The following VTI1A variants were observed in gnomAD, a reference collection of about 807,000 sequenced individuals.
The protein encoded by VTI1A is vesicle transport through interaction with t-SNAREs homolog 1A.
Under a neutral mutation model 34.9 loss-of-function variants are expected in VTI1A, and 22 were observed. The ratio of observed to expected loss-of-function variants is 0.63; its 90% confidence interval spans 0.45 to 0.90. The LOEUF (loss-of-function observed/expected upper bound fraction) is 0.90, where lower values mean the gene tolerates loss of function less well. Ranked by LOEUF, VTI1A falls within the 40% of genes least tolerant of loss-of-function variation. The pLI is 0.00. For missense variants in VTI1A, 268 were observed against 275.6 expected (o/e 0.97, Z 0.20); for synonymous variants, 87 against 97.3 (o/e 0.89, Z 0.62).
At chr10:112,514,595 G>C (rs1849713549) in intron 3 of VTI1A, among the ~76,000 whole-genome samples, 2 of 151,542 alleles carry the variant, frequency 1.3e-5, no homozygotes, top group South Asian at 4.2e-4. Context: ...ACAGTAGATG[G>C]TTTATCTGTT....
chr10:112,678,416 T>C (rs1282810660), intron 7 of VTI1A, among the ~76,000 whole-genome samples: 1 of 152,186 alleles, frequency 6.6e-6, no homozygotes, highest in Non-Finnish European at 1.5e-5. Context: ...TATTAACATA[T>C]ACCATCACCA....
intron 7 of VTI1A, among the ~76,000 whole-genome samples, chr10:112,795,961 C>A (rs754171861): frequency 2.6e-5 from 4 of 152,150 alleles, no homozygotes; most frequent in Non-Finnish European, 5.9e-5. Flanking sequence ...CTTTTTCTTT[C>A]TGTGCAAAGA....
intron 7 of VTI1A, among the ~76,000 whole-genome samples, chr10:112,781,293 C>A (rs1208471771): frequency 6.6e-6 from 1 of 152,124 alleles, no homozygotes; most frequent in African/African-American, 2.4e-5. Flanking sequence ...CCTCTCTGGG[C>A]CTCTAGAAAA....
intron 7 of VTI1A, among the ~76,000 whole-genome samples, chr10:112,778,320 T>G (rs1852012766): frequency 6.6e-6 from 1 of 152,214 alleles, no homozygotes; most frequent in African/African-American, 2.4e-5. Context: ...CCGGTGACTC[T>G]GAGCACTGGT....
chr10:112,842,694 T>G, the VTI1A span, among the ~76,000 whole-genome samples: 1 of 152,226 alleles, frequency 6.6e-6, no homozygotes, highest in African/African-American at 2.4e-5. Flanking sequence ...CTGCACTCCG[T>G]GTAGGTGGAT....
At chr10:112,688,282 C>T (rs2133873790) in intron 7 of VTI1A, among the ~76,000 whole-genome samples, 1 of 151,694 alleles carries the variant, frequency 6.6e-6, no homozygotes, top group African/African-American at 2.4e-5. Flanking sequence ...TTTTATTACA[C>T]AAATAGTAAC....
At chr10:112,508,019 T>C (rs1020634709) in intron 3 of VTI1A, among the ~76,000 whole-genome samples, 3 of 152,234 alleles carry the variant, frequency 2.0e-5, no homozygotes, top group Non-Finnish European at 4.4e-5. Flanking sequence ...AAAACTATGA[T>C]TTTGTGGCTT....
intron 7 of VTI1A, among the ~76,000 whole-genome samples, chr10:112,720,176 T>G (rs1849751692): frequency 6.6e-6 from 1 of 152,256 alleles, no homozygotes; most frequent in African/African-American, 2.4e-5. Context: ...TGGACATTTA[T>G]GTACAAGTTT....
chr10:112,808,669 A>G (rs1040271593), intron 7 of VTI1A, among the ~76,000 whole-genome samples: 2 of 151,666 alleles, frequency 1.3e-5, no homozygotes, highest in African/African-American at 4.8e-5. Context: ...CCCCAACCAT[A>G]CTTGCTGCAG....
At chr10:112,842,351 C>T in the VTI1A span, among the ~76,000 whole-genome samples, 1 of 152,150 alleles carries the variant, frequency 6.6e-6, no homozygotes, top group Non-Finnish European at 1.5e-5. Context: ...ACCTTGGCTT[C>T]CCATTACAGC....
At chr10:112,835,309 C>T in the VTI1A span, among the ~76,000 whole-genome samples, 1 of 152,152 alleles carries the variant, frequency 6.6e-6, no homozygotes, top group East Asian at 1.9e-4. Flanking sequence ...CCAGAAGAAA[C>T]AATGCACGAA....
At chr10:112,597,397 T>C (rs1844695105) in intron 5 of VTI1A, among the ~76,000 whole-genome samples, 2 of 152,218 alleles carry the variant, frequency 1.3e-5, no homozygotes, top group South Asian at 4.1e-4. Context: ...TTTGTATTTT[T>C]AGTAGAGACA....
At chr10:112,572,096 T>C (rs148291794) in intron 5 of VTI1A, among the ~76,000 whole-genome samples, 2 of 152,250 alleles carry the variant, frequency 1.3e-5, no homozygotes, top group African/African-American at 4.8e-5. Flanking sequence ...CATATACTAA[T>C]GTAACAAACT....
At chr10:112,602,822 A>AT (rs373979922) in intron 5 of VTI1A, among the ~76,000 whole-genome samples, 69 of 152,164 alleles carry the variant, frequency 4.5e-4, no homozygotes, top group African/African-American at 1.6e-3. Flanking sequence ...TATTTGGGTG[A>AT]TTTTTTTTAT....
intron 7 of VTI1A, among the ~76,000 whole-genome samples, chr10:112,810,332 G>C (rs1189541786): frequency 2.0e-5 from 3 of 151,672 alleles, no homozygotes; most frequent in Non-Finnish European, 2.9e-5. Context: ...GAACCTGGGA[G>C]GGGGAGGTTG....
chr10:112,535,458 A>C (rs2134245858), intron 4 of VTI1A, among the ~76,000 whole-genome samples: 1 of 152,232 alleles, frequency 6.6e-6, no homozygotes, highest in East Asian at 1.9e-4. Flanking sequence ...GCTGCTCCAA[A>C]ATGTGTTTTG....
At chr10:112,764,804 A>G (rs1851592724) in intron 7 of VTI1A, among the ~76,000 whole-genome samples, 1 of 152,208 alleles carries the variant, frequency 6.6e-6, no homozygotes. Flanking sequence ...CAATTTGCTC[A>G]TACAAATCTG....
intron 2 of VTI1A, among the ~76,000 whole-genome samples, chr10:112,463,672 T>A (rs1416468527): frequency 2.6e-5 from 4 of 151,914 alleles, no homozygotes; most frequent in Admixed American, 2.6e-4. Context: ...AAGCTATATG[T>A]AATTTAGCAT....
At position 112,708,791 on chromosome 10, in the gene VTI1A, G is replaced by T. The variant is rs149368448; in HGVS notation, c.560+39793G>T. On this transcript the variant is annotated intron_variant, in intron 7 of 7. Transcript: ENST00000393077. Reference sequence around the variant, plus strand: ...ATTTCTATAAACATGGAATTATGTTGTACATGCATCCATTTTGTGTAGCCT... The same window carrying T: ...ATTTCTATAAACATGGAATTATGTTTTACATGCATCCATTTTGTGTAGCCT... 5.2e-3 allele frequency among the ~76,000 whole-genome samples: 799 copies of T among 152,342 alleles called. 7 individuals are homozygous for T. Among genetic ancestry groups the T allele is most frequent in the African/African-American group, 0.019 (769 of 41,566 alleles).
Sources: allele counts gnomAD v4.1 joint callset (sites outside exome capture counted in the v4.1 genomes callset), GRCh38; gene constraint gnomAD v4.1.1; transcripts MANE v1.5; gene names NCBI Gene and HGNC (gene_info 2026-07-23, HGNC 2026-07-21).